Variants in SCN1A observed in about 807,000 individuals in gnomAD.
SCN1A encodes sodium channel protein type 1 subunit alpha.
Under a neutral mutation model 193.7 loss-of-function variants are expected in SCN1A, and 13 were observed. The ratio of observed to expected loss-of-function variants is 0.07; its 90% CI spans 0.04 to 0.11. The LOEUF (loss-of-function observed/expected upper bound fraction) is 0.11. SCN1A is among the 10% of genes least tolerant of loss of function. The pLI is 1.00. For synonymous variants in SCN1A, 781 were observed against 843.6 expected (o/e 0.93, Z 1.29); for missense variants, 1,432 against 2,451.1 (o/e 0.58, Z 8.78).
chr2:166,074,063 G>A (rs1574376048), intron 3 of SCN1A, among the ~76,000 whole-genome samples: 1 of 152,298 alleles, frequency 6.6e-6, no homozygotes, highest in Non-Finnish European at 1.5e-5. Flanking sequence ...AAAAGGAATT[G>A]TCTCTGAGAG....
At chr2:166,026,687 T>C (rs865796812) in intron 19 of SCN1A, among the ~76,000 whole-genome samples, 6 of 132,386 alleles carry the variant, frequency 4.5e-5, no homozygotes, top group African/African-American at 8.2e-5. Flanking sequence ...TTCTTTTTTT[T>C]TTTTTTTTTT....
chr2:166,118,370 T>C (rs1249097428), intron 2 of SCN1A, among the ~76,000 whole-genome samples: 1 of 129,444 alleles, frequency 7.7e-6, no homozygotes, highest in Non-Finnish European at 1.6e-5. Context: ...TGGAGTGCAG[T>C]GGCTAGATTC....
chr2:166,040,218 C>T (rs546200954), intron 16 of SCN1A, among the ~76,000 whole-genome samples: 25 of 152,090 alleles, frequency 1.6e-4, no homozygotes, highest in Non-Finnish European at 3.2e-4. Flanking sequence ...GCGCCCAGCC[C>T]AAGTCATCTA....
chr2:166,009,651 T>G (rs1692140139), intron 23 of SCN1A, 68 bp downstream of exon 23: 2 of 1,491,588 alleles, frequency 1.3e-6, no homozygotes, highest in East Asian at 4.7e-5. Flanking sequence ...TAGATTTTCC[T>G]TTTTCTAAAT....
At chr2:166,054,544 A>G in intron 7 of SCN1A, 94 bp downstream of exon 7, 1 of 1,328,216 alleles carries the variant, frequency 7.5e-7, no homozygotes, top group African/African-American at 1.5e-5. Flanking sequence ...ACACCAAAAT[A>G]TTCTACAGGT....
chr2:166,115,648 A>G (rs985537643), intron 2 of SCN1A, among the ~76,000 whole-genome samples: 3 of 152,248 alleles, frequency 2.0e-5, no homozygotes, highest in Admixed American at 6.5e-5. Context: ...TTGCGAAAGC[A>G]TCCTATAAAA....
At chr2:166,115,611 T>C (rs1490302711) in intron 2 of SCN1A, among the ~76,000 whole-genome samples, 1 of 152,206 alleles carries the variant, frequency 6.6e-6, no homozygotes, top group Non-Finnish European at 1.5e-5. Context: ...ATTATATGCT[T>C]CAAGCATATT....
In SCN1A at chr2:166,012,195, G is replaced by A. The variant is rs781526618; in HGVS notation, c.3793C>T (p.Leu1265=). ...GCCACCCATTTTAGAAGCATTTCCA[G>A]AATGAAAATGTAAGTGAAAACCTTG... ...ADKVFTYIFI[L]EMLLKWVAYG... The change falls in exon 22 of 29, where the codon CTG becomes TTG. Residue 1265 remains leucine, a synonymous_variant. Coordinates refer to ENST00000674923, the MANE Select transcript of SCN1A (RefSeq NM_001165963.4). 1.2e-6 allele frequency: 2 copies of A among 1,609,870 alleles called. No individual in the cohort carries two copies. The highest frequency in any genetic ancestry group is 3.4e-5 in the Admixed American group (2 of 59,658).
Position 165,992,512 on chromosome 2 carries a change from A to G in SCN1A, c.4853-90T>C. ...CTTCTAAAGCTCCAAGGTAAGGTTC[A>G]GAGTCCTGAACCCAGTTATATTAAA... On this transcript the variant is annotated intron_variant, in intron 28 of 28. Transcript: ENST00000674923. The surrounding 1 kb of genome is among the most constrained non-coding windows in gnomAD (Gnocchi z 6.5). The G allele has an allele frequency of 2.2e-6, 3 of 1,388,022 alleles. No homozygotes were observed. The highest frequency in any genetic ancestry group is 3.1e-6 in the Non-Finnish European group (3 of 982,024). 86.0% of individuals were successfully genotyped at this position (1,388,022 alleles called of 1,614,324 possible).
At chr2:166,005,993 C>A (rs1691600645) in intron 23 of SCN1A, among the ~76,000 whole-genome samples, 1 of 151,214 alleles carries the variant, frequency 6.6e-6, no homozygotes, top group African/African-American at 2.4e-5. Flanking sequence ...TCATTACCTG[C>A]ATTTTTAAAA....
chr2:166,006,564 G>A (rs974520973), intron 23 of SCN1A, among the ~76,000 whole-genome samples: 2 of 151,200 alleles, frequency 1.3e-5, no homozygotes, highest in African/African-American at 4.8e-5. Context: ...ATTCTATTCT[G>A]CATAATTCAA....
intron 2 of SCN1A, among the ~76,000 whole-genome samples, chr2:166,125,104 T>A (rs1691085725): frequency 6.6e-6 from 1 of 152,186 alleles, no homozygotes; most frequent in Non-Finnish European, 1.5e-5. Flanking sequence ...CTTCCCACCC[T>A]ACCCTAAACT....
chr2:166,090,820 T>A (rs16851508), intron 2 of SCN1A, among the ~76,000 whole-genome samples: 1 of 152,206 alleles, frequency 6.6e-6, no homozygotes, highest in South Asian at 2.1e-4. Flanking sequence ...AGTACTAAAG[T>A]CTAATATTTT....
intron 2 of SCN1A, among the ~76,000 whole-genome samples, chr2:166,103,448 C>CA (rs1330416827): frequency 1.5e-4 from 19 of 128,278 alleles, no homozygotes; most frequent in African/African-American, 5.8e-4. Context: ...AAGACTCTGT[C>CA]TTAAATAAAT....
rs900128031 is a variant in SCN1A at position 165,986,067 on chromosome 2, C to T, written c.*5178G>A. 1.3e-5 allele frequency: 2 copies of T among 152,032 alleles called. No homozygotes were observed. The highest frequency in any genetic ancestry group is 4.8e-5 in the African/African-American group (2 of 41,402). 9.4% of individuals were successfully genotyped at this position (152,032 alleles called of 1,614,324 possible). ...AAATGGGAGGACCGACACCAGGTTG[C>T]CAATTTTCCACTTGGCTAAATAAAA... On this transcript the variant is annotated 3_prime_UTR_variant, in exon 29 of 29. Transcript: ENST00000674923.
At chr2:166,035,934 T>TAA (rs34673057) in intron 19 of SCN1A, 114 bp downstream of exon 19, 31 of 1,069,500 alleles carry the variant, frequency 2.9e-5, no homozygotes, top group East Asian at 5.5e-5. Context: ...TATCATAAAG[T>TAA]AAAAAAAAAA....
intron 1 of SCN1A, among the ~76,000 whole-genome samples, chr2:166,147,352 A>G (rs6745863): frequency 0.81 from 122,470 of 151,728 alleles, 50,033 homozygotes; most frequent in African/African-American, 0.94. Flanking sequence ...TATATGGTAG[A>G]ATCAAAACTA....
intron 19 of SCN1A, among the ~76,000 whole-genome samples, chr2:166,030,530 CAATT>C (rs1695425392): frequency 6.6e-6 from 1 of 152,038 alleles, no homozygotes; most frequent in African/African-American, 2.4e-5. Context: ...TTTAATAACT[CAATT>C]TATTTAAAAT....
chr2:166,016,700 C>A (rs892550120), intron 19 of SCN1A: 15 of 151,706 alleles, frequency 9.9e-5, no homozygotes, highest in Non-Finnish European at 2.9e-5. Context: ...TTTTGAACAC[C>A]AACAATATGC....
Sources: gnomAD v4.1 joint callset for allele counts (sites outside exome capture counted in the v4.1 genomes callset) on GRCh38, gnomAD v4.1.1 for gene constraint, Gnocchi (gnomAD v3.1) non-coding constraint, MANE v1.5 for transcripts, NCBI Gene and HGNC (gene_info 2026-07-23, HGNC 2026-07-21) for gene names.